The following RNF216 variants were observed in gnomAD, a reference collection of about 807,000 sequenced individuals.
RNF216 encodes E3 ubiquitin-protein ligase RNF216.
Under a neutral mutation model 110.8 loss-of-function variants are expected in RNF216, and 72 were observed. The ratio of observed to expected loss-of-function variants is 0.65; its 90% confidence interval spans 0.54 to 0.79. The LOEUF (loss-of-function observed/expected upper bound fraction) is 0.79, where lower values mean the gene tolerates loss of function less well. Among genes scored for constraint, RNF216 ranks in the 30% least tolerant of loss-of-function variants. The pLI is 0.00. For missense variants in RNF216, 1,342 were observed against 1,141.2 expected, an observed-to-expected ratio of 1.18 and a Z score of -2.54; for synonymous variants, 495 against 407.5, an observed-to-expected ratio of 1.21 and a Z score of -2.59.
chr7:5,755,810 G>C (rs1041824977), intron 2 of RNF216, among the ~76,000 whole-genome samples: 1 of 152,122 alleles, frequency 6.6e-6, no homozygotes, highest in African/African-American at 2.4e-5. Flanking sequence ...TTCTAGGAGT[G>C]GAAATGCTGA....
chr7:5,718,382 A>T (rs543132870), intron 9 of RNF216, among the ~76,000 whole-genome samples: 1 of 152,208 alleles, frequency 6.6e-6, no homozygotes, highest in Non-Finnish European at 1.5e-5. Flanking sequence ...CTCCGTCTCA[A>T]AAAACAAACA....
At chr7:5,777,542 C>A (rs1796851974) in intron 1 of RNF216, 1 of 152,144 alleles carries the variant, frequency 6.6e-6, no homozygotes, top group African/African-American at 2.4e-5. Context: ...TCGATGGGAT[C>A]TGTGTATGTC....
intron 13 of RNF216, among the ~76,000 whole-genome samples, chr7:5,685,008 G>C (rs1790888933): frequency 6.6e-6 from 1 of 152,148 alleles, no homozygotes; most frequent in Non-Finnish European, 1.5e-5. Context: ...AGCATAGGTG[G>C]AGGGGTGAAG....
intron 1 of RNF216, among the ~76,000 whole-genome samples, chr7:5,779,375 T>C (rs1317348415): frequency 6.6e-5 from 10 of 152,016 alleles, no homozygotes; most frequent in African/African-American, 1.2e-4. Flanking sequence ...GCCCAGACTC[T>C]CCAGGCATTT....
At chr7:5,653,549 C>T (rs1395221692) in intron 13 of RNF216, among the ~76,000 whole-genome samples, 1 of 131,092 alleles carries the variant, frequency 7.6e-6, no homozygotes. Context: ...TGCAGTGAGC[C>T]GAGATCGCGC....
At chr7:5,626,303 A>G (rs1786698183) in intron 15 of RNF216, among the ~76,000 whole-genome samples, 1 of 152,088 alleles carries the variant, frequency 6.6e-6, no homozygotes, top group Non-Finnish European at 1.5e-5. Context: ...TTGGGTGGGC[A>G]GTTTGAAGGC....
intron 13 of RNF216, among the ~76,000 whole-genome samples, chr7:5,667,480 A>G (rs895333096): frequency 6.6e-6 from 1 of 152,218 alleles, no homozygotes; most frequent in Non-Finnish European, 1.5e-5. Context: ...GACTCTGCTG[A>G]TAAGGAACAA....
chr7:5,752,703 A>G (rs1299112358), intron 3 of RNF216, 143 bp downstream of exon 3: 9 of 707,450 alleles, frequency 1.3e-5, no homozygotes, highest in Non-Finnish European at 2.0e-5. Context: ...TAAATCTAAG[A>G]GTACACGAGG....
chr7:5,640,795 G>C (rs1049566465), intron 15 of RNF216, among the ~76,000 whole-genome samples: 1 of 152,180 alleles, frequency 6.6e-6, no homozygotes, highest in Non-Finnish European at 1.5e-5. Context: ...AAGAAAATCT[G>C]TAGTTTTCTT....
At position 5,695,755 on chromosome 7, in the gene RNF216, C is replaced by A. The variant is rs61163807; in HGVS notation, c.2061+16006G>T. Among the ~76,000 whole-genome samples the A allele has an allele frequency of 1.8e-3, 278 of 152,318 alleles. 1 individual carries two copies. The highest frequency in any genetic ancestry group is 6.2e-3 in the African/African-American group (258 of 41,562). ...GGCATTCACAGAGGGAAAAGCAAAA[C>A]CCCTGGTCAAACTGTTCCCTTATGT... On this transcript the variant is annotated intron_variant, in intron 13 of 16. Transcript: ENST00000389902.
rs147976207 is a variant in RNF216, at chr7:5,664,543, G to A, written c.2062-12033C>T. Among the ~76,000 whole-genome samples, 196 of 152,318 alleles carry A rather than the reference G, an allele frequency of 1.3e-3. 1 individual carries two copies. The highest frequency in any genetic ancestry group is 4.4e-3 in the African/African-American group (185 of 41,580). On this transcript the variant is annotated intron_variant, in intron 13 of 16. Coordinates refer to ENST00000389902, the MANE Select transcript of RNF216 (RefSeq NM_207111.4). ...TCTCTCTTCAATCAGGATAAAAGGA[G>A]CTCACAAACAGTAGACCCTGAAAAT...
At chr7:5,730,273 T>A (rs1794010882) in intron 6 of RNF216, among the ~76,000 whole-genome samples, 1 of 152,218 alleles carries the variant, frequency 6.6e-6, no homozygotes, top group Non-Finnish European at 1.5e-5. Flanking sequence ...AGAGGACATA[T>A]GTATGATAAA....
At position 5,741,088 on chromosome 7, in the gene RNF216, TC is replaced by T. The variant is rs774753431; in HGVS notation, c.928del (p.Glu310SerfsTer27). The T allele has an allele frequency of 6.2e-7, 1 of 1,614,150 alleles. No individual in the cohort carries two copies. ...EDQQLASDDE[E>X]PGPAFPMQES... ...TTGCATTGGAAAGGCTGGACCTGGC[TC>T]TTCATCATCACTTGCTAACTGCTGG... On this transcript the variant is annotated frameshift_variant, in exon 4 of 17. Coordinates refer to ENST00000389902, the MANE Select transcript of RNF216 (RefSeq NM_207111.4). LOFTEE classifies it high-confidence loss of function.
At chr7:5,774,203 A>G (rs1036452722) in intron 1 of RNF216, among the ~76,000 whole-genome samples, 3 of 152,214 alleles carry the variant, frequency 2.0e-5, no homozygotes, top group Non-Finnish European at 4.4e-5. Flanking sequence ...CATTTAGTCA[A>G]TCGGTGGCTC....
At chr7:5,716,884 T>C in intron 9 of RNF216, 118 bp from the exon 10 acceptor site, 1 of 721,962 alleles carries the variant, frequency 1.4e-6, no homozygotes, top group South Asian at 2.2e-5. Flanking sequence ...TTACACAGTT[T>C]AGCAGTTCAA....
chr7:5,776,556 C>T lies in RNF216; in HGVS notation c.-70+4985G>A, dbSNP rs541798909. ...CTTGCAGTGAGCTAAGATCGGGCCA[C>T]TGCACTCTAGCCTGGGCGACAGAGC... On this transcript the variant is annotated intron_variant, in intron 1 of 16. Coordinates refer to ENST00000389902, the MANE Select transcript of RNF216 (RefSeq NM_207111.4). Among the ~76,000 whole-genome samples the T allele has an allele frequency of 1.3e-3, 174 of 137,950 alleles. 2 individuals carry two copies. In the South Asian group the frequency reaches 0.038, roughly 30 times the overall value. The allele number at this position is 137,950 out of a possible 152,430, so 90.5% of individuals were successfully genotyped here. A position where few individuals can be genotyped will look rare whatever the true frequency, so the allele number is the denominator to read the frequency against.
rs775341572 is a variant in RNF216, at chr7:5,641,197, G to A, written c.2339C>T (p.Pro780Leu). 2.5e-6 allele frequency: 4 copies of A among 1,614,036 alleles called. No homozygotes were observed. Among genetic ancestry groups the A allele is most frequent in the Admixed American group, 1.7e-5 (1 of 59,984 alleles). Residue 780 changes from proline (P) to leucine (L), a missense_variant, in exon 15 of 17, where the codon CCT (proline) becomes CTT (leucine). Coordinates refer to ENST00000389902, the MANE Select transcript of RNF216 (RefSeq NM_207111.4). ...FCQHPRSPGAPCQECSRCSLW... is the reference protein window; with the variant it reads ...FCQHPRSPGALCQECSRCSLW... ...AGAGCATCTTGAACACTCCTGGCAAGGGGCTCCTGGTGAGCGGGGATGTTG... is the reference window on the plus strand; with the variant it reads ...AGAGCATCTTGAACACTCCTGGCAAAGGGCTCCTGGTGAGCGGGGATGTTG...
chr7:5,661,567 C>G (rs1281319064), intron 13 of RNF216, among the ~76,000 whole-genome samples: 2 of 152,066 alleles, frequency 1.3e-5, no homozygotes, highest in Non-Finnish European at 2.9e-5. Context: ...TTTTGGGAGG[C>G]CGAGTAGGGT....
intron 3 of RNF216, among the ~76,000 whole-genome samples, chr7:5,744,028 A>C (rs941355963): frequency 2.0e-5 from 3 of 152,230 alleles, no homozygotes; most frequent in Non-Finnish European, 2.9e-5. Context: ...TTAATGCAGC[A>C]ACAGAAAATC....
Sources: gnomAD v4.1 joint callset for allele counts (sites outside exome capture counted in the v4.1 genomes callset) on GRCh38, gnomAD v4.1.1 for gene constraint, MANE v1.5 for transcripts, NCBI Gene and HGNC (gene_info 2026-07-23, HGNC 2026-07-21) for gene names.